CDC27: variants seen among roughly 807,000 people sequenced by gnomAD.
CDC27 encodes cell division cycle protein 27 homolog.
A neutral mutation model predicts 109.7 loss-of-function variants in CDC27; 27 were observed. The observed-to-expected ratio is 0.25, with a 90% CI of 0.18 to 0.34. CDC27 has a LOEUF of 0.34. CDC27 is among the 10% of genes least tolerant of loss of function. The probability of loss-of-function intolerance (pLI) is 1.00; values close to 1 mark genes in which losing one functional copy is unlikely to be tolerated. For missense variants in CDC27, 579 were observed against 960.2 expected (o/e 0.60, Z 5.25); for synonymous variants, 266 against 333.9 (o/e 0.80, Z 2.22).
rs2063340131 is a variant in CDC27, at chr17:47,157,250, CCGTAAG to C, written c.604_609del (p.Leu202_Thr203del). On this transcript the variant is annotated inframe_deletion, in exon 6 of 19. Transcript: ENST00000066544. ...CTTACAATTGTGTCCTGGGGTGTTT[CCGTAAG>C]AACTGTCTCAGGCTGTCTGTGAGAT... 1 of 1,611,584 alleles carries C rather than the reference CCGTAAG, an allele frequency of 6.2e-7. No homozygotes were observed. Among genetic ancestry groups the C allele is most frequent in the Admixed American group, 1.7e-5 (1 of 59,736 alleles).
intron 4 of CDC27, among the ~76,000 whole-genome samples, chr17:47,167,481 AC>A (rs2063684864): frequency 6.6e-6 from 1 of 152,178 alleles, no homozygotes. Flanking sequence ...GTCAAATTTT[AC>A]TTTTTCTATC....
intron 4 of CDC27, among the ~76,000 whole-genome samples, chr17:47,164,198 T>C (rs887173066): frequency 4.6e-5 from 7 of 152,174 alleles, no homozygotes; most frequent in Non-Finnish European, 1.5e-5. Context: ...CCAGGAGCAA[T>C]AGGTTATACA....
intron 2 of CDC27, among the ~76,000 whole-genome samples, chr17:47,179,154 A>G (rs1033932457): frequency 2.6e-5 from 4 of 152,218 alleles, no homozygotes; most frequent in Non-Finnish European, 5.9e-5. Context: ...AATGGGCGAC[A>G]AAGAACTAGT....
chr17:47,189,274 C>T lies in CDC27; in HGVS notation c.-102G>A, dbSNP rs541967922. Reference sequence around the variant, plus strand: ...ATTTAAACTCACCAGCGACCGTTACCGGGGGATGGGGGAGGCCGAGCGATT... The same window carrying T: ...ATTTAAACTCACCAGCGACCGTTACTGGGGGATGGGGGAGGCCGAGCGATT... On this transcript the variant is annotated 5_prime_UTR_variant, in exon 1 of 19. Transcript: ENST00000066544. The T allele has an allele frequency of 3.8e-5, 34 of 906,330 alleles. No homozygotes were observed. The highest frequency in any genetic ancestry group is 6.0e-5 in the Non-Finnish European group (33 of 551,354). The allele number at this position is 906,330 out of a possible 1,614,324, so 56.1% of individuals were successfully genotyped here.
intron 16 of CDC27, 59 bp downstream of exon 16, chr17:47,129,334 A>T (rs904403336): frequency 1.6e-6 from 2 of 1,221,980 alleles, no homozygotes; most frequent in African/African-American, 3.0e-5. Flanking sequence ...ATTGAAAACA[A>T]GGGATAACGT....
At chr17:47,124,315 G>A (rs565857189) in intron 16 of CDC27, among the ~76,000 whole-genome samples, 1 of 145,692 alleles carries the variant, frequency 6.9e-6, no homozygotes, top group Admixed American at 6.9e-5. Flanking sequence ...GTGGAGTCTC[G>A]CTCTGTCGCC....
At chr17:47,166,729 T>C (rs1313065670) in intron 4 of CDC27, among the ~76,000 whole-genome samples, 2 of 152,224 alleles carry the variant, frequency 1.3e-5, no homozygotes, top group Non-Finnish European at 2.9e-5. Context: ...TTTAGTGCTA[T>C]AAATTTCGCT....
At chr17:47,155,409 C>T (rs1196962534) in intron 7 of CDC27, among the ~76,000 whole-genome samples, 1 of 152,046 alleles carries the variant, frequency 6.6e-6, no homozygotes, top group African/African-American at 2.4e-5. Context: ...CCATGCCGGG[C>T]TAATTTTTGT....
chr17:47,118,263 T>G lies in CDC27; in HGVS notation c.*2672A>C, dbSNP rs1460614246. 6.6e-6 allele frequency: 1 copy of G among 152,306 alleles called. No homozygotes were observed. The highest frequency in any genetic ancestry group is 2.4e-5 in the African/African-American group (1 of 41,452). 9.4% of individuals were successfully genotyped at this position (152,306 alleles called of 1,614,324 possible). On this transcript the variant is annotated 3_prime_UTR_variant, in exon 19 of 19. Coordinates refer to ENST00000066544, the MANE Select transcript of CDC27 (RefSeq NM_001256.6). ...GTTATCACTGAGTTTTTGTTTAAGG[T>G]ACAACAGCAGCATGGTTCAAATGTT...
At chr17:47,168,995 CTTTTTTTTTTTT>C (rs1160478815) in intron 4 of CDC27, among the ~76,000 whole-genome samples, 3 of 121,574 alleles carry the variant, frequency 2.5e-5, no homozygotes, top group Non-Finnish European at 5.4e-5. Flanking sequence ...TTTTTTTTTT[CTTTTTTTTTTTT>C]TGGAAACAGG....
chr17:47,171,575 G>A (rs899900674), intron 3 of CDC27, among the ~76,000 whole-genome samples: 1 of 152,186 alleles, frequency 6.6e-6, no homozygotes, highest in Non-Finnish European at 1.5e-5. Context: ...CTAAACACAA[G>A]GGAGCCTTAA....
At chr17:47,168,580 T>C (rs558454041) in intron 4 of CDC27, among the ~76,000 whole-genome samples, 142 of 152,262 alleles carry the variant, frequency 9.3e-4, no homozygotes, top group South Asian at 5.8e-3. Context: ...TGTTTAGCTA[T>C]AATGGAAATG....
chr17:47,173,395 C>T (rs868286638), intron 2 of CDC27, among the ~76,000 whole-genome samples: 2 of 150,996 alleles, frequency 1.3e-5, no homozygotes, highest in African/African-American at 2.4e-5. Context: ...AAGAATGGGG[C>T]GCTCACTGCA....
chr17:47,141,938 C>A lies in CDC27; in HGVS notation c.1466G>T (p.Ser489Ile), dbSNP rs1260355124. 3.1e-6 allele frequency: 5 copies of A among 1,607,582 alleles called. No homozygotes were observed. The highest frequency in any genetic ancestry group is 1.3e-5 in the African/African-American group (1 of 74,738). The change falls in exon 12 of 19, where the codon AGC becomes ATC. Residue 489 changes from serine to isoleucine, a missense_variant. Around this residue, in one of 9 missense-constraint regions of CDC27, gnomAD observed 58 missense variants for 116.6 expected, o/e 0.50. Coordinates refer to ENST00000066544, the MANE Select transcript of CDC27 (RefSeq NM_001256.6). ...ATTGTAGTGGTGAGAAGGTAGATGGCTCAAAATATTTATAGCTTCTTTGCA... is the reference window on the plus strand; with the variant it reads ...ATTGTAGTGGTGAGAAGGTAGATGGATCAAAATATTTATAGCTTCTTTGCA... Reference protein sequence around the residue: ...YNCKEAINILSHLPSHHYNTG... With the variant: ...YNCKEAINILIHLPSHHYNTG...
chr17:47,149,239 G>A (rs1023514629), intron 9 of CDC27, among the ~76,000 whole-genome samples: 3 of 151,338 alleles, frequency 2.0e-5, no homozygotes, highest in Non-Finnish European at 4.4e-5. Flanking sequence ...GGCCAGGTGC[G>A]GTGGGGCTCA....
chr17:47,181,421 A>T, intron 2 of CDC27, 141 bp downstream of exon 2: 1 of 493,440 alleles, frequency 2.0e-6, no homozygotes, highest in Non-Finnish European at 3.7e-6. Flanking sequence ...CACAGAAAAA[A>T]AGTAAAGATT....
At position 47,142,017 on chromosome 17, in the gene CDC27, T is replaced by C; in HGVS notation, c.1387A>G (p.Met463Val). Residue 463 changes from methionine to valine, a missense_variant, in exon 12 of 19, where the codon ATG (methionine) becomes GTG (valine). This residue lies in a region of CDC27 where 58 missense variants were observed against 116.6 expected (regional missense o/e 0.50). Transcript: ENST00000066544. Reference sequence around the variant, plus strand: ...TTCCCCATTTCACGAAGAAGGCTCATCAAACCTTCTAGGAGAAAACAACAT... The same window carrying C: ...TTCCCCATTTCACGAAGAAGGCTCACCAAACCTTCTAGGAGAAAACAACAT... Reference protein sequence around the residue: ...NLQKAAAEGLMSLLREMGKGY... With the variant: ...NLQKAAAEGLVSLLREMGKGY... The C allele has an allele frequency of 6.3e-7, 1 of 1,587,582 alleles. No homozygotes were observed. Among genetic ancestry groups the C allele is most frequent in the Non-Finnish European group, 8.6e-7 (1 of 1,169,430 alleles).
rs2064239046 is a variant in CDC27 at position 47,181,544 on chromosome 17, A to C, written c.103+18T>G. The C allele has an allele frequency of 7.0e-7, 1 of 1,421,750 alleles. No homozygotes were observed. Among genetic ancestry groups the C allele is most frequent in the Non-Finnish European group, 9.9e-7 (1 of 1,007,742 alleles). 88.1% of individuals were successfully genotyped at this position (1,421,750 alleles called of 1,614,324 possible). On this transcript the variant is annotated intron_variant, in intron 2 of 18. Transcript: ENST00000066544. ...TGTTATTCATTTATCATTCTACAGCAATGAATAGATTTCAAACCTTCTGCA... is the reference window on the plus strand; with the variant it reads ...TGTTATTCATTTATCATTCTACAGCCATGAATAGATTTCAAACCTTCTGCA...
At position 47,168,367 on chromosome 17, in the gene CDC27, T is replaced by C. The variant is rs185249853; in HGVS notation, c.377+1550A>G. Among the ~76,000 whole-genome samples the C allele has an allele frequency of 1.9e-3, 296 of 152,284 alleles. 1 individual carries two copies. Among genetic ancestry groups the C allele is most frequent in the African/African-American group, 7.0e-3 (291 of 41,562 alleles). On this transcript the variant is annotated intron_variant, in intron 4 of 18. Transcript: ENST00000066544. ...GTTTGCATACAAAAAGATATCACTT[T>C]GGAGTTTCTAAGTGTATACGAGGAA...
Sources: allele counts gnomAD v4.1 joint callset (sites outside exome capture counted in the v4.1 genomes callset), GRCh38; gene constraint gnomAD v4.1.1; regional missense constraint gnomAD v4.1.1; transcripts MANE v1.5; gene names NCBI Gene and HGNC (gene_info 2026-07-23, HGNC 2026-07-21).